Variants in THSD7A observed in about 807,000 individuals in gnomAD.
The protein encoded by THSD7A is thrombospondin type-1 domain-containing protein 7A.
THSD7A carries 96 observed loss-of-function variants against 231.3 expected under a neutral mutation model. That is an observed-to-expected ratio of 0.41 (90% CI 0.35 to 0.49). THSD7A has a LOEUF of 0.49. Ranked by LOEUF, THSD7A falls within the 20% of genes least tolerant of loss-of-function variation. The probability of loss-of-function intolerance (pLI) is 0.05; values close to 1 mark genes in which losing one functional copy is unlikely to be tolerated. For missense variants in THSD7A, 2,290 were observed against 2,070.2 expected (o/e 1.11, Z -2.06); for synonymous variants, 940 against 743.3 (o/e 1.26, Z -4.30).
chr7:11,422,629 A>G (rs1222125748), intron 16 of THSD7A, among the ~76,000 whole-genome samples: 2 of 150,276 alleles, frequency 1.3e-5, no homozygotes, highest in African/African-American at 2.5e-5. Context: ...TAACATGTAC[A>G]CAGATAGTTG....
At chr7:11,773,763 A>G (rs761344503) in intron 1 of THSD7A, among the ~76,000 whole-genome samples, 1 of 152,170 alleles carries the variant, frequency 6.6e-6, no homozygotes, top group Admixed American at 6.5e-5. Context: ...GATTAGTCAA[A>G]TCAGGGTAAT....
intron 7 of THSD7A, among the ~76,000 whole-genome samples, chr7:11,478,504 C>T (rs1786287262): frequency 6.6e-6 from 1 of 152,014 alleles, no homozygotes; most frequent in South Asian, 2.1e-4. Flanking sequence ...GGCACAGATG[C>T]CCAGCTGCTT....
At chr7:11,617,558 T>A (rs746592672) in intron 2 of THSD7A, among the ~76,000 whole-genome samples, 2 of 152,234 alleles carry the variant, frequency 1.3e-5, no homozygotes, top group Non-Finnish European at 2.9e-5. Context: ...CTAGGATAGA[T>A]AAATATATTT....
chr7:11,431,239 T>G (rs910020969), intron 13 of THSD7A, among the ~76,000 whole-genome samples: 19 of 152,238 alleles, frequency 1.2e-4, no homozygotes, highest in Middle Eastern at 3.2e-3. Flanking sequence ...CCTTGGTTGT[T>G]AGTGCTTTGG....
chr7:11,406,529 G>A lies in THSD7A; in HGVS notation c.4063-55C>T. 2 of 1,481,254 alleles carry A rather than the reference G, an allele frequency of 1.4e-6. No individual in the cohort carries two copies. The highest frequency in any genetic ancestry group is 1.4e-5 in the African/African-American group (1 of 71,152). 91.8% of individuals were successfully genotyped at this position (1,481,254 alleles called of 1,614,324 possible). ...AAAAAGAGAAATACTTCATTAGAGA[G>A]CTCATCACTTAGTTATCTCTGCACC... On this transcript the variant is annotated intron_variant, in intron 21 of 27. Transcript: ENST00000423059. The surrounding 1 kb of genome is among the most constrained non-coding windows in gnomAD (Gnocchi z 4.7).
intron 1 of THSD7A, among the ~76,000 whole-genome samples, chr7:11,765,508 C>G (rs1184291712): frequency 6.6e-6 from 1 of 152,128 alleles, no homozygotes; most frequent in African/African-American, 2.4e-5. Flanking sequence ...GTTGCTTAGA[C>G]TAGTTCAAAT....
At chr7:11,506,426 T>G (rs774677350) in intron 6 of THSD7A, among the ~76,000 whole-genome samples, 3 of 152,224 alleles carry the variant, frequency 2.0e-5, no homozygotes, top group Non-Finnish European at 4.4e-5. Flanking sequence ...ATCCTGATGG[T>G]TCCATGACTG....
At chr7:11,732,001 A>C (rs1781752463) in intron 1 of THSD7A, among the ~76,000 whole-genome samples, 1 of 151,736 alleles carries the variant, frequency 6.6e-6, no homozygotes, top group Non-Finnish European at 1.5e-5. Flanking sequence ...TTTTAGCAAA[A>C]TTAATAAATG....
At chr7:11,649,621 G>A (rs547306927) in intron 1 of THSD7A, among the ~76,000 whole-genome samples, 10 of 152,076 alleles carry the variant, frequency 6.6e-5, no homozygotes, top group African/African-American at 2.4e-4. Flanking sequence ...GCAGACTGAA[G>A]GCCCTAAAAG....
intron 8 of THSD7A, among the ~76,000 whole-genome samples, chr7:11,472,869 G>A (rs1185514150): frequency 6.6e-6 from 1 of 152,138 alleles, no homozygotes; most frequent in Non-Finnish European, 1.5e-5. Context: ...GCCACAACAG[G>A]TTGGTCCTGT....
At chr7:11,670,279 AG>A (rs1378267049) in intron 1 of THSD7A, among the ~76,000 whole-genome samples, 1 of 152,186 alleles carries the variant, frequency 6.6e-6, no homozygotes, top group Admixed American at 6.6e-5. Context: ...TTTAACCTTT[AG>A]GTTCTGTGGT....
intron 7 of THSD7A, among the ~76,000 whole-genome samples, chr7:11,475,733 A>G (rs1021742855): frequency 6.6e-6 from 1 of 150,684 alleles, no homozygotes; most frequent in African/African-American, 2.4e-5. Context: ...GTAAAAATTG[A>G]ACAAGTTAAA....
intron 19 of THSD7A, among the ~76,000 whole-genome samples, chr7:11,408,099 G>A (rs1382335523): frequency 6.6e-6 from 1 of 151,988 alleles, no homozygotes; most frequent in African/African-American, 2.4e-5. Context: ...CCATTTTATT[G>A]GCATTTGGGT....
chr7:11,518,935 C>A (rs1788149086), intron 6 of THSD7A, among the ~76,000 whole-genome samples: 1 of 152,114 alleles, frequency 6.6e-6, no homozygotes, highest in Admixed American at 6.6e-5. Context: ...TTAATATAGA[C>A]TACCTGACAT....
intron 11 of THSD7A, among the ~76,000 whole-genome samples, chr7:11,454,336 C>T: frequency 6.6e-6 from 1 of 151,820 alleles, no homozygotes; most frequent in East Asian, 1.9e-4. Context: ...ATAACATTCT[C>T]AATACCCAAA....
intron 6 of THSD7A, among the ~76,000 whole-genome samples, chr7:11,506,732 G>A (rs1448246311): frequency 6.6e-6 from 1 of 152,014 alleles, no homozygotes; most frequent in Non-Finnish European, 1.5e-5. Flanking sequence ...CTCCCCTCCA[G>A]TTCTAACACT....
intron 1 of THSD7A, among the ~76,000 whole-genome samples, chr7:11,687,511 T>G (rs1027742573): frequency 2.6e-5 from 4 of 151,874 alleles, no homozygotes; most frequent in African/African-American, 9.7e-5. Flanking sequence ...CAAAACATTC[T>G]TCTCAGTAGA....
At chr7:11,617,437 G>GATTC (rs1781146065) in intron 2 of THSD7A, among the ~76,000 whole-genome samples, 1 of 152,028 alleles carries the variant, frequency 6.6e-6, no homozygotes, top group Non-Finnish European at 1.5e-5. Context: ...ATGTATGTAT[G>GATTC]ATTCATTCAT....
intron 26 of THSD7A, 89 bp from the exon 27 acceptor site, chr7:11,376,746 G>T: frequency 1.1e-6 from 1 of 914,846 alleles, no homozygotes; most frequent in South Asian, 2.0e-5. Context: ...AGTCATATAT[G>T]ACCAATTTCT....
Sources: allele counts gnomAD v4.1 joint callset (sites outside exome capture counted in the v4.1 genomes callset), GRCh38; gene constraint gnomAD v4.1.1; non-coding constraint Gnocchi (gnomAD v3.1); transcripts MANE v1.5; gene names NCBI Gene and HGNC (gene_info 2026-07-23, HGNC 2026-07-21).